Variants in SGCD observed in about 807,000 individuals in gnomAD.
SGCD encodes the protein delta-sarcoglycan.
A neutral mutation model predicts 36.6 loss-of-function variants in SGCD; 18 were observed. That is an observed-to-expected ratio of 0.49 (90% CI 0.34 to 0.73). SGCD has a LOEUF of 0.73. SGCD is among the 30% of genes least tolerant of loss of function. The pLI, the probability that SGCD is intolerant of heterozygous loss-of-function variation, is 0.01. For missense variants in SGCD, 387 were observed against 346.7 expected (o/e 1.12, Z -0.92); for synonymous variants, 133 against 130.6 (o/e 1.02, Z -0.12).
intron 7 of SGCD, among the ~76,000 whole-genome samples, chr5:156,667,153 G>GA (rs1753080028): frequency 6.6e-6 from 1 of 152,050 alleles, no homozygotes; most frequent in Non-Finnish European, 1.5e-5. Context: ...TCAAAATCTG[G>GA]AAAAATCCAT....
At chr5:156,007,307 C>G (rs1758777835) in intron 1 of SGCD, among the ~76,000 whole-genome samples, 1 of 152,194 alleles carries the variant, frequency 6.6e-6, no homozygotes, top group Non-Finnish European at 1.5e-5. Context: ...CCAGTAAACC[C>G]TGAATCCAAA....
chr5:156,048,068 C>T (rs955649784), intron 1 of SGCD, among the ~76,000 whole-genome samples: 9 of 151,980 alleles, frequency 5.9e-5, no homozygotes, highest in African/African-American at 9.7e-5. Context: ...TGAGAACATG[C>T]GGTGTTTGGT....
intron 4 of SGCD, among the ~76,000 whole-genome samples, chr5:156,545,564 C>T (rs73297178): frequency 0.036 from 5,520 of 152,132 alleles, 330 homozygotes; most frequent in African/African-American, 0.12. Context: ...TCATAAGGAG[C>T]GCCCGACCTA....
In SGCD at chr5:156,403,574, C is replaced by T. The variant is rs539293806; in HGVS notation, c.192+58897C>T. The stretch of plus-strand genomic sequence containing the variant: ...GGAATGTTTGTGAGATTTTGCCGGA[C>T]GTTCACTAGGCTGCAAAAGACTTGG... On this transcript the variant is annotated intron_variant, in intron 3 of 8. Coordinates refer to ENST00000337851, the MANE Select transcript of SGCD (RefSeq NM_000337.6). 1.5e-4 allele frequency among the ~76,000 whole-genome samples: 23 copies of T among 152,248 alleles called. No individual in the cohort carries two copies. In the South Asian group the frequency reaches 4.1e-3, roughly 27 times the overall value.
intron 3 of SGCD, among the ~76,000 whole-genome samples, chr5:156,290,639 A>G (rs1766734686): frequency 6.6e-6 from 1 of 152,146 alleles, no homozygotes; most frequent in African/African-American, 2.4e-5. Flanking sequence ...GGTGACTGTG[A>G]GAAAGTTTTA....
At chr5:156,683,586 C>G (rs1412976206) in intron 7 of SGCD, among the ~76,000 whole-genome samples, 1 of 152,042 alleles carries the variant, frequency 6.6e-6, no homozygotes, top group Admixed American at 6.5e-5. Context: ...CTTTATCAGA[C>G]AAAAACAAAA....
At chr5:156,392,965 C>T (rs550129837) in intron 3 of SGCD, among the ~76,000 whole-genome samples, 10 of 152,152 alleles carry the variant, frequency 6.6e-5, no homozygotes, top group South Asian at 2.1e-4. Context: ...AGGATGGGGG[C>T]GTGGCGGGGA....
chr5:156,367,327 C>T (rs2127736572), intron 3 of SGCD, among the ~76,000 whole-genome samples: 1 of 152,276 alleles, frequency 6.6e-6, no homozygotes, highest in Non-Finnish European at 1.5e-5. Flanking sequence ...AATTTAAAAA[C>T]TAACTTTTCA....
chr5:155,861,159 C>T, the SGCD span, among the ~76,000 whole-genome samples: 150 of 152,248 alleles, frequency 9.9e-4, no homozygotes, highest in Admixed American at 2.5e-3. Context: ...CCTTTATTGC[C>T]TGCCCCACGG....
rs185940031 is a variant in SGCD, at chr5:156,653,476, C to T, written c.575+5940C>T. ...ATGAAAACATAAAAATATTTTCTTA[C>T]GTAATTCTAAAGCTTGCTTTTTTTT... On this transcript the variant is annotated intron_variant, in intron 7 of 8. Coordinates refer to ENST00000337851, the MANE Select transcript of SGCD (RefSeq NM_000337.6). Among the ~76,000 whole-genome samples, 49 of 42,324 alleles carry T rather than the reference C, an allele frequency of 1.2e-3. 1 individual carries two copies. In the East Asian group the frequency reaches 0.041, roughly 36 times the overall value. 27.8% of individuals were successfully genotyped at this position (42,324 alleles called of 152,430 possible).
chr5:156,267,723 T>C (rs1581206695), intron 3 of SGCD, among the ~76,000 whole-genome samples: 1 of 152,234 alleles, frequency 6.6e-6, no homozygotes, highest in African/African-American at 2.4e-5. Flanking sequence ...CTGGTAGATA[T>C]AACCATCACC....
intron 3 of SGCD, among the ~76,000 whole-genome samples, chr5:156,280,935 A>G (rs748589615): frequency 6.6e-6 from 1 of 152,206 alleles, no homozygotes; most frequent in Admixed American, 6.5e-5. Context: ...AAGGTTGCTT[A>G]ATTAGGAGGC....
At position 156,413,980 on chromosome 5, in the gene SGCD, A is replaced by T. The variant is rs1580953655; in HGVS notation, c.192+69303A>T. ...TTGAAATGGTGGTACAGAAGAGATA[A>T]AACTAACTCATTTGAATTCAGGGAA... On this transcript the variant is annotated intron_variant, in intron 3 of 8. Transcript: ENST00000337851. Among the ~76,000 whole-genome samples the T allele has an allele frequency of 7.2e-5, 11 of 152,330 alleles. No individual in the cohort carries two copies. The South Asian group carries it at 2.3e-3, about 32-fold the overall frequency.
intron 3 of SGCD, among the ~76,000 whole-genome samples, chr5:156,374,743 G>A (rs1239784739): frequency 6.9e-6 from 1 of 144,890 alleles, no homozygotes; most frequent in East Asian, 2.2e-4. Context: ...CTCACTGCAA[G>A]CTCCGCCTCC....
At chr5:155,834,861 A>G in the SGCD span, among the ~76,000 whole-genome samples, 1 of 144,930 alleles carries the variant, frequency 6.9e-6, no homozygotes, top group Non-Finnish European at 1.5e-5. Flanking sequence ...CGTGAGACGG[A>G]CTCTCACTTT....
intron 3 of SGCD, among the ~76,000 whole-genome samples, chr5:156,389,179 TA>T (rs1771432258): frequency 6.6e-6 from 1 of 152,232 alleles, no homozygotes; most frequent in South Asian, 2.1e-4. Context: ...TTCTGTTGGC[TA>T]CAAAAGCTGG....
chr5:156,141,041 G>A (rs1762568014), intron 3 of SGCD, among the ~76,000 whole-genome samples: 1 of 152,132 alleles, frequency 6.6e-6, no homozygotes, highest in African/African-American at 2.4e-5. Context: ...CCAGCACACT[G>A]CTACTTGACC....
At chr5:155,788,384 C>A in the SGCD span, among the ~76,000 whole-genome samples, 1 of 152,036 alleles carries the variant, frequency 6.6e-6, no homozygotes, top group Non-Finnish European at 1.5e-5. Flanking sequence ...TCTTTTTAGT[C>A]TTTTATGTCC....
At chr5:156,446,202 C>T (rs1401572358) in intron 3 of SGCD, among the ~76,000 whole-genome samples, 1 of 152,044 alleles carries the variant, frequency 6.6e-6, no homozygotes, top group East Asian at 1.9e-4. Flanking sequence ...TTACTTTTGT[C>T]AAAAGAAGGC....
Sources: gnomAD v4.1 joint callset for allele counts (sites outside exome capture counted in the v4.1 genomes callset) on GRCh38, gnomAD v4.1.1 for gene constraint, MANE v1.5 for transcripts, NCBI Gene and HGNC (gene_info 2026-07-23, HGNC 2026-07-21) for gene names.